The following LRRC75A variants were observed in gnomAD, a reference collection of about 807,000 sequenced individuals.
LRRC75A encodes the protein leucine-rich repeat-containing protein 75A.
Under a neutral mutation model 26.0 loss-of-function variants are expected in LRRC75A, and 12 were observed. The ratio of observed to expected loss-of-function variants is 0.46; its 90% CI spans 0.30 to 0.75. The LOEUF (loss-of-function observed/expected upper bound fraction) is 0.75, where lower values mean the gene tolerates loss of function less well. Among genes scored for constraint, LRRC75A ranks in the 30% least tolerant of loss-of-function variants. The probability of loss-of-function intolerance (pLI) is 0.08; values close to 1 mark genes in which losing one functional copy is unlikely to be tolerated. For missense variants in LRRC75A, 410 were observed against 486.6 expected, an observed-to-expected ratio of 0.84 and a Z score of 1.48; for synonymous variants, 223 against 219.3, an observed-to-expected ratio of 1.02 and a Z score of -0.15.
intron 1 of LRRC75A, among the ~76,000 whole-genome samples, chr17:16,477,411 G>A (rs78392620): frequency 0.091 from 13,785 of 152,156 alleles, 835 homozygotes; most frequent in Non-Finnish European, 0.14. Flanking sequence ...TGGGTGAGCA[G>A]AGATGAGTCA....
rs1444710722 is a variant in LRRC75A, at chr17:16,443,761, G to A, written c.862C>T (p.Arg288Cys). ...GGTAGGTGGCCCTGCTTTGGGGAGCGCTTGCGCAGGCTGAGCAGGAAGGGC... is the reference window on the plus strand; with the variant it reads ...GGTAGGTGGCCCTGCTTTGGGGAGCACTTGCGCAGGCTGAGCAGGAAGGGC... ...PQPFLLSLRK[R>C]SPKQGHLPTI... The change falls in exon 4 of 4, where the codon CGC becomes TGC. Residue 288 changes from arginine to cysteine, a missense_variant. Physicochemically the swap from Arg to Cys is radical, Grantham distance 180. Coordinates refer to ENST00000470794, the MANE Select transcript of LRRC75A (RefSeq NM_001113567.3). 3.7e-6 allele frequency: 6 copies of A among 1,613,638 alleles called. No individual in the cohort carries two copies. The highest frequency in any genetic ancestry group is 2.2e-5 in the East Asian group (1 of 44,888).
chr17:16,459,279 A>G (rs1641258558), intron 2 of LRRC75A, among the ~76,000 whole-genome samples: 4 of 152,218 alleles, frequency 2.6e-5, no homozygotes, highest in Admixed American at 2.6e-4. Context: ...AGTAAAACAG[A>G]GAAACGAATG....
intron 1 of LRRC75A, among the ~76,000 whole-genome samples, chr17:16,469,664 C>G (rs1460387283): frequency 2.0e-5 from 3 of 152,256 alleles, no homozygotes; most frequent in South Asian, 2.1e-4. Context: ...TCTTCACCCA[C>G]TTCATGGCCT....
In LRRC75A at chr17:16,491,149, C is replaced by G. The variant is rs1350109340; in HGVS notation, c.246+596G>C. Among the ~76,000 whole-genome samples, 2 of 152,260 alleles carry G rather than the reference C, an allele frequency of 1.3e-5. No homozygotes were observed. Among genetic ancestry groups the G allele is most frequent in the Non-Finnish European group, 2.9e-5 (2 of 68,050 alleles). On this transcript the variant is annotated intron_variant, in intron 1 of 3. Transcript: ENST00000470794. This position sits in a 1 kb window ranked among gnomAD's most constrained non-coding sequence, Gnocchi z 5.9. The stretch of plus-strand genomic sequence containing the variant: ...CCAAATCCAGCTCCCCTGTCTCTAC[C>G]GCTTTCCGCAGGGGCTCATGGTTGA...
In LRRC75A at chr17:16,462,205, G is replaced by A; in HGVS notation, c.375+53C>T. 2.5e-6 allele frequency: 4 copies of A among 1,606,580 alleles called. No homozygotes were observed. The highest frequency in any genetic ancestry group is 3.4e-6 in the Non-Finnish European group (4 of 1,175,934). ...GGCATACAGCTGCTCTGCCCAGAAA[G>A]GCACCCACCGCACACCCCGGGACCT... is the stretch of plus-strand genomic sequence containing the variant. On this transcript the variant is annotated intron_variant, in intron 2 of 3. Coordinates refer to ENST00000470794, the MANE Select transcript of LRRC75A (RefSeq NM_001113567.3). The surrounding 1 kb of genome is among the most constrained non-coding windows in gnomAD (Gnocchi z 4.6).
In LRRC75A at chr17:16,491,681, G is replaced by GC. The variant is rs574357045; in HGVS notation, c.246+63dup. The GC allele has an allele frequency of 3.3e-3, 3,786 of 1,150,938 alleles. 80 individuals are homozygous for GC. The African/African-American group carries it at 0.048, about 15-fold the overall frequency. 71.3% of individuals were successfully genotyped at this position (1,150,938 alleles called of 1,614,324 possible). On this transcript the variant is annotated intron_variant, in intron 1 of 3. Coordinates refer to ENST00000470794, the MANE Select transcript of LRRC75A (RefSeq NM_001113567.3). The surrounding 1 kb of genome is among the most constrained non-coding windows in gnomAD (Gnocchi z 5.9). ...CGGCTTCCTCGGTTAGGGATGGGGCGCCCCCCCCGGCCCAGCACGCCCCCT... is the reference window on the plus strand; with the variant it reads ...CGGCTTCCTCGGTTAGGGATGGGGCGCCCCCCCCCGGCCCAGCACGCCCCCT...
chr17:16,479,301 C>A (rs926080068), intron 1 of LRRC75A, among the ~76,000 whole-genome samples: 15 of 152,250 alleles, frequency 9.9e-5, no homozygotes, highest in African/African-American at 3.4e-4. Flanking sequence ...GCCTGAGAGG[C>A]ACAGTGTTCC....
Position 16,458,446 on chromosome 17 carries a change from G to A in LRRC75A, c.375+3812C>T, listed in dbSNP as rs117571757. On this transcript the variant is annotated intron_variant, in intron 2 of 3. Transcript: ENST00000470794. ...GGAGAGGCTACAGGGCGAGTGTGCC[G>A]CCTTGGAAGTAGACCTGCCAACTTC... is the stretch of plus-strand genomic sequence containing the variant. Among the ~76,000 whole-genome samples, 1,054 of 152,218 alleles carry A rather than the reference G, an allele frequency of 6.9e-3. 8 individuals carry two copies. Among genetic ancestry groups the A allele is most frequent in the Non-Finnish European group, 0.011 (763 of 67,998 alleles).
Position 16,443,554 on chromosome 17 carries a change from C to G in LRRC75A, c.*34G>C. On this transcript the variant is annotated 3_prime_UTR_variant, in exon 4 of 4. Transcript: ENST00000470794. ...TGCCTGCCTTGCCCATTCTACCCAACAAGGACTCCCTGGTGAGGCCCTTCA... is the reference window on the plus strand; with the variant it reads ...TGCCTGCCTTGCCCATTCTACCCAAGAAGGACTCCCTGGTGAGGCCCTTCA... The G allele has an allele frequency of 1.4e-6, 2 of 1,473,334 alleles. No homozygotes were observed. Among genetic ancestry groups the G allele is most frequent in the Non-Finnish European group, 1.8e-6 (2 of 1,104,658 alleles). 91.3% of individuals were successfully genotyped at this position (1,473,334 alleles called of 1,614,324 possible). A position where few individuals can be genotyped will look rare whatever the true frequency, so the allele number is the denominator to read the frequency against.
At chr17:16,483,615 C>T (rs891414397) in intron 1 of LRRC75A, among the ~76,000 whole-genome samples, 5 of 152,190 alleles carry the variant, frequency 3.3e-5, no homozygotes, top group East Asian at 3.8e-4. Context: ...GGGGTCATTT[C>T]GCCCACCACT....
At chr17:16,446,196 A>G (rs1306907744) in intron 3 of LRRC75A, among the ~76,000 whole-genome samples, 1 of 152,230 alleles carries the variant, frequency 6.6e-6, no homozygotes, top group Non-Finnish European at 1.5e-5. Flanking sequence ...GGCGTGAGCC[A>G]CCGTGCCCAG....
chr17:16,491,681 G>GCCCCCCCCCGCCCAGCA lies in LRRC75A; in HGVS notation c.246+63_246+64insTGCTGGGCGGGGGGGGG. 8.7e-7 allele frequency: 1 copy of GCCCCCCCCCGCCCAGCA among 1,151,276 alleles called. No individual in the cohort carries two copies. Among genetic ancestry groups the GCCCCCCCCCGCCCAGCA allele is most frequent in the Non-Finnish European group, 1.1e-6 (1 of 908,528 alleles). The allele number at this position is 1,151,276 out of a possible 1,614,324, so 71.3% of individuals were successfully genotyped here. On this transcript the variant is annotated intron_variant, in intron 1 of 3. Coordinates refer to ENST00000470794, the MANE Select transcript of LRRC75A (RefSeq NM_001113567.3). This position sits in a 1 kb window ranked among gnomAD's most constrained non-coding sequence, Gnocchi z 5.9. The stretch of plus-strand genomic sequence containing the variant: ...CGGCTTCCTCGGTTAGGGATGGGGC[G>GCCCCCCCCCGCCCAGCA]CCCCCCCCGGCCCAGCACGCCCCCT...
intron 1 of LRRC75A, among the ~76,000 whole-genome samples, chr17:16,477,344 C>T (rs1372841447): frequency 6.6e-6 from 1 of 152,232 alleles, no homozygotes; most frequent in Non-Finnish European, 1.5e-5. Context: ...GAGGCAAGGC[C>T]AAGGCCAAGG....
intron 2 of LRRC75A, among the ~76,000 whole-genome samples, chr17:16,460,606 T>C (rs1029126699): frequency 6.6e-5 from 10 of 152,222 alleles, no homozygotes; most frequent in Non-Finnish European, 1.5e-5. Context: ...ACCACCGGCC[T>C]GTGTCCCGCC....
chr17:16,469,681 C>T (rs1476899147), intron 1 of LRRC75A, among the ~76,000 whole-genome samples: 2 of 152,254 alleles, frequency 1.3e-5, no homozygotes, highest in Admixed American at 6.5e-5. Context: ...GCCTGAATCT[C>T]CAACACTCAC....
Position 16,441,662 on chromosome 17 carries a change from C to T in LRRC75A, c.*1926G>A, listed in dbSNP as rs1328650977. On this transcript the variant is annotated 3_prime_UTR_variant, in exon 4 of 4. Coordinates refer to ENST00000470794, the MANE Select transcript of LRRC75A (RefSeq NM_001113567.3). The stretch of plus-strand genomic sequence containing the variant: ...AATCACAGCTCATTGCATCCTCAAT[C>T]ACCCAGGCCTAAGCAATCCTCCCAC... 6.0e-6 allele frequency: 2 copies of T among 330,964 alleles called. No individual in the cohort carries two copies. Among genetic ancestry groups the T allele is most frequent in the Admixed American group, 4.3e-5 (1 of 23,384 alleles). The allele number at this position is 330,964 out of a possible 1,614,324, so 20.5% of individuals were successfully genotyped here.
At chr17:16,468,684 A>C (rs1475532207) in intron 1 of LRRC75A, among the ~76,000 whole-genome samples, 2 of 152,254 alleles carry the variant, frequency 1.3e-5, no homozygotes, top group Non-Finnish European at 2.9e-5. Context: ...TGTATGCTTA[A>C]AGATGGTTGA....
At chr17:16,490,010 G>C (rs961682199) in intron 1 of LRRC75A, among the ~76,000 whole-genome samples, 1 of 152,232 alleles carries the variant, frequency 6.6e-6, no homozygotes, top group African/African-American at 2.4e-5. Context: ...TCTCCCTCAA[G>C]GCAGGGAGAA....
chr17:16,469,143 T>C (rs1213100510), intron 1 of LRRC75A, among the ~76,000 whole-genome samples: 1 of 152,238 alleles, frequency 6.6e-6, no homozygotes, highest in Non-Finnish European at 1.5e-5. Flanking sequence ...TGGTATTCTG[T>C]GCATGATACA....
Sources: allele counts gnomAD v4.1 joint callset (sites outside exome capture counted in the v4.1 genomes callset), GRCh38; gene constraint gnomAD v4.1.1; non-coding constraint Gnocchi (gnomAD v3.1); transcripts MANE v1.5; gene names NCBI Gene and HGNC (gene_info 2026-07-23, HGNC 2026-07-21).